TENM4: variants seen among roughly 807,000 people sequenced by gnomAD.
TENM4 encodes the protein teneurin-4.
In TENM4, 82 loss-of-function variants were observed where a neutral mutation model predicts 243.3. That is an observed-to-expected ratio of 0.34 (90% CI 0.28 to 0.40). TENM4 has a LOEUF of 0.40. Ranked by LOEUF, TENM4 falls within the 10% of genes least tolerant of loss-of-function variation. The pLI, the probability that TENM4 is intolerant of heterozygous loss-of-function variation, is 1.00. For synonymous variants in TENM4, 1,412 were observed against 1,456.3 expected (o/e 0.97, Z 0.69); for missense variants, 3,138 against 3,673.3 (o/e 0.85, Z 3.77).
rs757194059 is a variant in TENM4 at position 78,786,880 on chromosome 11, G to A, written c.2365+18C>T. 4 of 1,587,662 alleles carry A rather than the reference G, an allele frequency of 2.5e-6. No individual in the cohort carries two copies. The highest frequency in any genetic ancestry group is 3.4e-6 in the Non-Finnish European group (4 of 1,168,510). On this transcript the variant is annotated intron_variant, in intron 16 of 33. Coordinates refer to ENST00000278550, the MANE Select transcript of TENM4 (RefSeq NM_001098816.3). ...CTGCAGACCAGAGAAGGTACCCGGG[G>A]ACCTCGGCCCGCCATACCGATGGTG...
intron 6 of TENM4, among the ~76,000 whole-genome samples, chr11:79,058,650 C>T (rs551006017): frequency 6.6e-6 from 1 of 152,160 alleles, no homozygotes; most frequent in Admixed American, 6.5e-5. Flanking sequence ...AATGAGATAA[C>T]CTAACTGCTC....
intron 3 of TENM4, among the ~76,000 whole-genome samples, chr11:79,212,210 T>C (rs755142875): frequency 6.6e-6 from 1 of 152,194 alleles, no homozygotes; most frequent in Admixed American, 6.5e-5. Context: ...AGATGGTCAA[T>C]GCTTATAACT....
intron 10 of TENM4, among the ~76,000 whole-genome samples, chr11:78,856,632 G>T (rs1858687608): frequency 6.6e-6 from 1 of 151,864 alleles, no homozygotes; most frequent in Admixed American, 6.6e-5. Flanking sequence ...TGGGAAGCAT[G>T]ACTTGATGGA....
intron 19 of TENM4, among the ~76,000 whole-genome samples, chr11:78,747,910 T>G (rs1261420491): frequency 6.6e-6 from 1 of 152,204 alleles, no homozygotes; most frequent in Non-Finnish European, 1.5e-5. Flanking sequence ...GAACCTTCAC[T>G]TGGGACTCCA....
chr11:79,326,282 C>A (rs1353347652), intron 1 of TENM4, among the ~76,000 whole-genome samples: 4 of 152,130 alleles, frequency 2.6e-5, no homozygotes, highest in African/African-American at 9.7e-5. Flanking sequence ...TCCATTTCTC[C>A]TATACACATC....
intron 13 of TENM4, among the ~76,000 whole-genome samples, chr11:78,813,300 G>A (rs567932090): frequency 1.2e-4 from 18 of 152,182 alleles, no homozygotes; most frequent in Admixed American, 6.5e-5. Context: ...CTCAGGACTC[G>A]GGTGTAGTGT....
chr11:79,420,871 C>T (rs1858917144), intron 1 of TENM4, among the ~76,000 whole-genome samples: 1 of 152,148 alleles, frequency 6.6e-6, no homozygotes, highest in Admixed American at 6.5e-5. Flanking sequence ...AATGCTAATT[C>T]CACCAGCAGT....
intron 2 of TENM4, among the ~76,000 whole-genome samples, chr11:79,233,224 T>C (rs1288898190): frequency 6.6e-6 from 1 of 152,244 alleles, no homozygotes; most frequent in African/African-American, 2.4e-5. Flanking sequence ...CTATTTCTTA[T>C]CTAGCTCTGC....
chr11:79,058,923 A>G (rs1860015370), intron 6 of TENM4, among the ~76,000 whole-genome samples: 1 of 152,202 alleles, frequency 6.6e-6, no homozygotes, highest in African/African-American at 2.4e-5. Context: ...TTGCTGCAGT[A>G]TTTTGACCAC....
intron 6 of TENM4, among the ~76,000 whole-genome samples, chr11:78,973,690 A>C (rs2136587950): frequency 6.6e-6 from 1 of 152,126 alleles, no homozygotes; most frequent in African/African-American, 2.4e-5. Flanking sequence ...AAGTAAGCAA[A>C]TAACTATATA....
At chr11:79,197,246 G>A (rs1012908699) in intron 3 of TENM4, among the ~76,000 whole-genome samples, 4 of 152,246 alleles carry the variant, frequency 2.6e-5, no homozygotes, top group Non-Finnish European at 4.4e-5. Context: ...CCATTTGAGC[G>A]GGGAGAAAAC....
At chr11:78,999,434 T>C (rs1220515288) in intron 6 of TENM4, among the ~76,000 whole-genome samples, 9 of 151,994 alleles carry the variant, frequency 5.9e-5, no homozygotes, top group Non-Finnish European at 1.2e-4. Context: ...GAGAATGGCA[T>C]GAACCCGGGA....
At position 78,658,913 on chromosome 11, in the gene TENM4, A is replaced by G. The variant is rs906352117; in HGVS notation, c.7552-97T>C. 3.6e-6 allele frequency: 5 copies of G among 1,376,942 alleles called. No homozygotes were observed. The Admixed American group carries it at 8.6e-5, about 24-fold the overall frequency. The allele number at this position is 1,376,942 out of a possible 1,614,324, so 85.3% of individuals were successfully genotyped here. ...TTAAATAATGAAGTCAAAACCACAC[A>G]TATTTATTAACCTGCGGCATGTAGC... On this transcript the variant is annotated intron_variant, in intron 33 of 33. Transcript: ENST00000278550.
At chr11:79,272,844 T>C (rs902322288) in intron 2 of TENM4, among the ~76,000 whole-genome samples, 1 of 152,214 alleles carries the variant, frequency 6.6e-6, no homozygotes. Context: ...TTGGGTTTCT[T>C]GGACTTTAAC....
At chr11:78,945,328 G>A (rs1385027168) in intron 6 of TENM4, among the ~76,000 whole-genome samples, 1 of 152,130 alleles carries the variant, frequency 6.6e-6, no homozygotes, top group African/African-American at 2.4e-5. Flanking sequence ...ATGGTGATCT[G>A]TGATCAGTGA....
intron 1 of TENM4, among the ~76,000 whole-genome samples, chr11:79,323,510 G>T (rs990466725): frequency 5.3e-5 from 8 of 152,180 alleles, no homozygotes; most frequent in African/African-American, 1.9e-4. Context: ...CACCCTCTAG[G>T]TCAAGACTTC....
chr11:79,163,840 T>TTA (rs1167578367), intron 3 of TENM4, among the ~76,000 whole-genome samples: 1 of 146,122 alleles, frequency 6.8e-6, no homozygotes, highest in Non-Finnish European at 1.5e-5. Context: ...TACATATATA[T>TTA]TATATATACA....
intron 2 of TENM4, among the ~76,000 whole-genome samples, chr11:79,223,247 G>A (rs975078161): frequency 7.2e-5 from 11 of 152,150 alleles, no homozygotes; most frequent in Admixed American, 3.3e-4. Context: ...AGAAGCACTG[G>A]CAGGGGAGAA....
chr11:79,038,765 G>A (rs10793353), intron 6 of TENM4, among the ~76,000 whole-genome samples: 101,076 of 152,054 alleles, frequency 0.66, 34,931 homozygotes, highest in Non-Finnish European at 0.79. Flanking sequence ...ATCCTGGCTT[G>A]GGAAAAAACC....
Sources: gnomAD v4.1 joint callset for allele counts (sites outside exome capture counted in the v4.1 genomes callset) on GRCh38, gnomAD v4.1.1 for gene constraint, MANE v1.5 for transcripts, NCBI Gene and HGNC (gene_info 2026-07-23, HGNC 2026-07-21) for gene names.